DST: variants seen among roughly 807,000 people sequenced by gnomAD.
DST encodes dystonin, also known as bullous pemphigoid antigen.
DST carries 253 observed loss-of-function variants against 875.2 expected under a neutral mutation model. The observed-to-expected ratio is 0.29, with a 90% CI of 0.26 to 0.32. The LOEUF is 0.32. Among genes scored for constraint, DST ranks in the 10% least tolerant of loss-of-function variants. DST has a pLI of 1.00. For synonymous variants in DST, 3,124 were observed against 3,197.1 expected (o/e 0.98, Z 0.77); for missense variants, 8,287 against 9,111.6 (o/e 0.91, Z 3.68).
Position 56,607,315 on chromosome 6 carries a change from A to G in DST, c.7313T>C (p.Leu2438Ser), listed in dbSNP as rs1023513137. 1 of 1,613,344 alleles carries G rather than the reference A, an allele frequency of 6.2e-7. No individual in the cohort carries two copies. Among genetic ancestry groups the G allele is most frequent in the Non-Finnish European group, 8.5e-7 (1 of 1,179,650 alleles). The change falls in exon 40 of 104, where the codon TTG (leucine) becomes TCG (serine). Residue 2438 changes from leucine to serine, a missense_variant. Leu to Ser is a moderately radical substitution (Grantham distance 145). Coordinates refer to ENST00000680361, the MANE Select transcript of DST (RefSeq NM_001374736.1). Reference protein sequence around the residue: ...IFDYSPRLSALLSHDKLMHSQ... With the variant: ...IFDYSPRLSASLSHDKLMHSQ... ...GTGCATCAATTTATCATGACTTAACAAGGCACTTAGCCTGGGGGAATAGTC... is the reference window on the plus strand; with the variant it reads ...GTGCATCAATTTATCATGACTTAACGAGGCACTTAGCCTGGGGGAATAGTC...
rs754766247 is a variant in DST at position 56,605,663 on chromosome 6, T to C, written c.8965A>G (p.Lys2989Glu). ...ATGTGATCAAGAGATGAGTCAACTTTTGGTGTCATATTCTTAAAATATTCA... is the reference window on the plus strand; with the variant it reads ...ATGTGATCAAGAGATGAGTCAACTTCTGGTGTCATATTCTTAAAATATTCA... ...KDEYFKNMTP[K>E]VDSSLDHIIC... is the part of the protein sequence containing the mutation. Residue 2989 changes from lysine to glutamate, a missense_variant, in exon 40 of 104, where the codon AAA (lysine) becomes GAA (glutamate). By Grantham distance (56) the Lys-to-Glu change is moderately conservative (BLOSUM62 1). Transcript: ENST00000680361. 6.2e-7 allele frequency: 1 copy of C among 1,613,006 alleles called. No individual in the cohort carries two copies. The highest frequency in any genetic ancestry group is 1.3e-5 in the African/African-American group (1 of 74,992).
intron 64 of DST, 71 bp from the exon 65 acceptor site, chr6:56,530,204 G>C (rs1423490792): frequency 8.1e-7 from 1 of 1,233,268 alleles, no homozygotes; most frequent in Admixed American, 2.9e-5. Context: ...CTTCAGTCAT[G>C]CTCTTGCAAT....
chr6:56,718,184 C>T (rs1471010458), intron 5 of DST, among the ~76,000 whole-genome samples: 1 of 152,104 alleles, frequency 6.6e-6, no homozygotes, highest in African/African-American at 2.4e-5. Context: ...ATGATCATGC[C>T]ACTGTACCCT....
chr6:56,616,294 C>T, intron 36 of DST: 3 of 1,614,012 alleles, frequency 1.9e-6, no homozygotes, highest in Non-Finnish European at 2.5e-6. Flanking sequence ...TATCAGTCAG[C>T]ATATGAGAAG....
At chr6:56,475,394 A>AACACACACAC (rs35690052) in intron 92 of DST, among the ~76,000 whole-genome samples, 2,276 of 144,918 alleles carry the variant, frequency 0.016, 56 homozygotes, top group African/African-American at 0.054. Flanking sequence ...AGGCTTTTAA[A>AACACACACAC]ACACACACAC....
intron 3 of DST, among the ~76,000 whole-genome samples, chr6:56,852,203 G>A (rs1053364126): frequency 6.6e-6 from 1 of 152,206 alleles, no homozygotes; most frequent in Non-Finnish European, 1.5e-5. Flanking sequence ...CAAGGAGGGA[G>A]GAAGGGCTGA....
At chr6:56,951,986 T>C (rs936080852) in intron 2 of DST, among the ~76,000 whole-genome samples, 15 of 152,114 alleles carry the variant, frequency 9.9e-5, no homozygotes, top group Non-Finnish European at 2.1e-4. Flanking sequence ...TTTTCATTCA[T>C]TCATTCAATA....
intron 4 of DST, among the ~76,000 whole-genome samples, chr6:56,798,501 GATTT>G (rs1291302008): frequency 3.3e-5 from 5 of 152,016 alleles, no homozygotes; most frequent in African/African-American, 1.2e-4. Flanking sequence ...GAAAAAAAAA[GATTT>G]ATTTCAAAAT....
intron 49 of DST, among the ~76,000 whole-genome samples, chr6:56,581,051 TAA>T (rs771314105): frequency 0.38 from 34,152 of 90,268 alleles, 6,087 homozygotes; most frequent in African/African-American, 0.47. Context: ...TGGCATTTAT[TAA>T]AAAAAAAAAA....
At chr6:56,704,912 G>A (rs189062746) in intron 5 of DST, among the ~76,000 whole-genome samples, 5 of 152,244 alleles carry the variant, frequency 3.3e-5, no homozygotes, top group Admixed American at 2.6e-4. Flanking sequence ...TATGTGTCAG[G>A]TTAGAAGTCC....
intron 55 of DST, among the ~76,000 whole-genome samples, chr6:56,565,994 G>A (rs2097669839): frequency 6.6e-6 from 1 of 152,194 alleles, no homozygotes; most frequent in South Asian, 2.1e-4. Flanking sequence ...TGTTTACACT[G>A]TGAGGGGAAA....
In DST at chr6:56,851,562, C is replaced by A; in HGVS notation, c.460G>T (p.Ala154Ser). 3.1e-6 allele frequency: 5 copies of A among 1,614,010 alleles called. No individual in the cohort carries two copies. The highest frequency in any genetic ancestry group is 4.2e-6 in the Non-Finnish European group (5 of 1,179,886). ...ASYRCSMSSS[A>S]DFSDEDDFSQ... ...AAATCATCCTCATCGGAAAAATCCG[C>A]AGAGGAAGACATAGAGCAGCGATAG... The change falls in exon 4 of 104, where the codon GCG becomes TCG. Residue 154 changes from alanine to serine, a missense_variant. Physicochemically the swap from Ala to Ser is moderately conservative, Grantham distance 99. Coordinates refer to ENST00000680361, the MANE Select transcript of DST (RefSeq NM_001374736.1).
chr6:56,871,536 C>T (rs1562244202), intron 3 of DST: 33 of 1,274,164 alleles, frequency 2.6e-5, no homozygotes, highest in Non-Finnish European at 3.5e-5. Context: ...GGTCATTGAG[C>T]ATATCCAAAT....
intron 10 of DST, among the ~76,000 whole-genome samples, chr6:56,656,986 T>C (rs2099012031): frequency 6.6e-6 from 1 of 152,212 alleles, no homozygotes; most frequent in African/African-American, 2.4e-5. Context: ...ACTTGGGTCC[T>C]AATACAGATT....
rs2098784984 is a variant in DST at position 56,631,970 on chromosome 6, G to A, written c.3876C>T (p.Asn1292=). Residue 1292 remains asparagine, a synonymous_variant, in exon 29 of 104, where the codon AAC becomes AAT. Transcript: ENST00000680361. ...TCTGTCTAATCAGCCGATCTTCACA[G>A]TTCTCTAACCGAAGTCTAATGTTTC... is the stretch of plus-strand genomic sequence containing the variant. ...EVRNIRLRLE[N]CEDRLIRQIR... 1 of 1,613,352 alleles carries A rather than the reference G, an allele frequency of 6.2e-7. No homozygotes were observed. Among genetic ancestry groups the A allele is most frequent in the South Asian group, 1.1e-5 (1 of 91,072 alleles).
intron 61 of DST, among the ~76,000 whole-genome samples, chr6:56,548,705 AAC>A (rs2097269805): frequency 6.6e-6 from 1 of 152,168 alleles, no homozygotes; most frequent in South Asian, 2.1e-4. Flanking sequence ...CATAGAATTT[AAC>A]CGTAATCATA....
At chr6:56,951,051 T>C (rs1027608328) in intron 2 of DST, among the ~76,000 whole-genome samples, 1 of 152,182 alleles carries the variant, frequency 6.6e-6, no homozygotes, top group African/African-American at 2.4e-5. Context: ...GGTGCGATGA[T>C]TTTTTCTCTA....
chr6:56,934,417 T>C (rs1446560028), intron 2 of DST, among the ~76,000 whole-genome samples: 1 of 151,456 alleles, frequency 6.6e-6, no homozygotes, highest in African/African-American at 2.4e-5. Context: ...ATAAATCACT[T>C]TTGTTATGGT....
intron 4 of DST, among the ~76,000 whole-genome samples, chr6:56,737,285 GCTTT>G (rs1198965412): frequency 6.6e-6 from 1 of 152,130 alleles, no homozygotes; most frequent in Non-Finnish European, 1.5e-5. Context: ...CACAGATAAA[GCTTT>G]CTAACTTACC....
Sources: gnomAD v4.1 joint callset for allele counts (sites outside exome capture counted in the v4.1 genomes callset) on GRCh38, gnomAD v4.1.1 for gene constraint, MANE v1.5 for transcripts, NCBI Gene and HGNC (gene_info 2026-07-23, HGNC 2026-07-21) for gene names.